GABBR2: variants seen among roughly 807,000 people sequenced by gnomAD.
GABBR2 encodes gamma-aminobutyric acid type B receptor subunit 2.
Under a neutral mutation model 105.6 loss-of-function variants are expected in GABBR2, and 23 were observed. The observed-to-expected ratio is 0.22, with a 90% CI of 0.16 to 0.31. The LOEUF (loss-of-function observed/expected upper bound fraction) is 0.31, where lower values mean the gene tolerates loss of function less well. Among genes scored for constraint, GABBR2 ranks in the 10% least tolerant of loss-of-function variants. GABBR2 has a pLI of 1.00. For missense variants in GABBR2, 734 were observed against 1,245.5 expected (o/e 0.59, Z 6.18); for synonymous variants, 478 against 499.7 (o/e 0.96, Z 0.58).
At chr9:98,659,622 A>G (rs7388933) in intron 1 of GABBR2, among the ~76,000 whole-genome samples, 139,544 of 150,140 alleles carry the variant, frequency 0.93, 64,981 homozygotes, top group African/African-American at 0.97. Context: ...CCTGGTTCAA[A>G]CAATTCTCCT....
chr9:98,300,270 G>T (rs1216050835), intron 16 of GABBR2, among the ~76,000 whole-genome samples: 1 of 152,026 alleles, frequency 6.6e-6, no homozygotes, highest in African/African-American at 2.4e-5. Context: ...GACCTGCAGG[G>T]TCTCACTCAG....
chr9:98,501,134 C>T (rs866547690), intron 3 of GABBR2, among the ~76,000 whole-genome samples: 2 of 145,236 alleles, frequency 1.4e-5, no homozygotes, highest in African/African-American at 5.0e-5. Context: ...TGCCCCCCCC[C>T]CTTCCCCGCC....
At chr9:98,526,943 A>G (rs1827973139) in intron 3 of GABBR2, among the ~76,000 whole-genome samples, 1 of 147,884 alleles carries the variant, frequency 6.8e-6, no homozygotes, top group Non-Finnish European at 1.5e-5. Context: ...ACAGACATCA[A>G]ACCTTACTAA....
At chr9:98,497,728 C>T (rs1355961893) in intron 3 of GABBR2, among the ~76,000 whole-genome samples, 3 of 152,180 alleles carry the variant, frequency 2.0e-5, no homozygotes, top group Non-Finnish European at 4.4e-5. Flanking sequence ...AAAAGCAAAA[C>T]CACAAGTGTT....
intron 13 of GABBR2, among the ~76,000 whole-genome samples, chr9:98,344,048 T>C (rs1342981518): frequency 6.6e-6 from 1 of 152,154 alleles, no homozygotes; most frequent in Admixed American, 6.5e-5. Context: ...CTGATTTTCT[T>C]CCTATTGCTG....
chr9:98,348,341 T>C (rs1831335115), intron 13 of GABBR2, among the ~76,000 whole-genome samples: 1 of 152,198 alleles, frequency 6.6e-6, no homozygotes, highest in African/African-American at 2.4e-5. Flanking sequence ...TATAGCTTTG[T>C]AGTATATTTT....
At chr9:98,528,397 CA>C (rs1166879367) in intron 3 of GABBR2, among the ~76,000 whole-genome samples, 10 of 151,570 alleles carry the variant, frequency 6.6e-5, no homozygotes, top group Admixed American at 5.9e-4. Flanking sequence ...TATGTATTTA[CA>C]AAAATTTTGG....
chr9:98,364,776 T>A (rs1022794668), intron 12 of GABBR2, among the ~76,000 whole-genome samples: 9 of 152,090 alleles, frequency 5.9e-5, no homozygotes, highest in African/African-American at 2.2e-4. Context: ...AATTTCTGTA[T>A]TTTTAGGAGA....
chr9:98,612,479 C>T (rs1046104840), intron 1 of GABBR2, among the ~76,000 whole-genome samples: 1 of 152,200 alleles, frequency 6.6e-6, no homozygotes, highest in Admixed American at 6.5e-5. Flanking sequence ...CACTTTTGTT[C>T]TCACTATCAC....
At chr9:98,420,093 T>C (rs1480508566) in intron 7 of GABBR2, among the ~76,000 whole-genome samples, 1 of 151,586 alleles carries the variant, frequency 6.6e-6, no homozygotes, top group Admixed American at 6.6e-5. Flanking sequence ...ATAGGGCCAG[T>C]AGGGGTGGTG....
intron 1 of GABBR2, among the ~76,000 whole-genome samples, chr9:98,695,886 T>C (rs1830744799): frequency 6.6e-6 from 1 of 152,162 alleles, no homozygotes; most frequent in Admixed American, 6.5e-5. Context: ...GCATGCCATT[T>C]ATAAACATCA....
intron 2 of GABBR2, among the ~76,000 whole-genome samples, chr9:98,562,297 G>A (rs1288645844): frequency 2.0e-5 from 3 of 152,076 alleles, no homozygotes; most frequent in Non-Finnish European, 2.9e-5. Context: ...AAAGATCACT[G>A]TCCTGAAAGC....
At chr9:98,465,121 TAAAAA>T (rs57747633) in intron 6 of GABBR2, among the ~76,000 whole-genome samples, 294 of 21,998 alleles carry the variant, frequency 0.013, 2 homozygotes, top group African/African-American at 0.059. Flanking sequence ...CAATAAATAC[TAAAAA>T]AAAAAAAAAA....
chr9:98,483,614 G>GCATT (rs1826978487), intron 4 of GABBR2, among the ~76,000 whole-genome samples: 1 of 152,174 alleles, frequency 6.6e-6, no homozygotes, highest in Admixed American at 6.5e-5. Context: ...AAACAGGACT[G>GCATT]CATTCATTCA....
At chr9:98,541,189 A>T (rs1828296714) in intron 3 of GABBR2, among the ~76,000 whole-genome samples, 1 of 152,218 alleles carries the variant, frequency 6.6e-6, no homozygotes, top group Non-Finnish European at 1.5e-5. Flanking sequence ...AAAGTGAAAA[A>T]AGAAACATAC....
intron 3 of GABBR2, among the ~76,000 whole-genome samples, chr9:98,519,729 G>C (rs1399462220): frequency 1.4e-5 from 2 of 144,736 alleles, no homozygotes; most frequent in Non-Finnish European, 3.0e-5. Context: ...TTTTTTTTTG[G>C]TAAAGGGTCA....
intron 13 of GABBR2, among the ~76,000 whole-genome samples, chr9:98,314,517 A>T (rs1830684090): frequency 6.6e-6 from 1 of 152,152 alleles, no homozygotes; most frequent in Admixed American, 6.5e-5. Flanking sequence ...GTCATACAGC[A>T]TTGCTCAATG....
intron 1 of GABBR2, among the ~76,000 whole-genome samples, chr9:98,603,424 C>G (rs1421972189): frequency 6.6e-6 from 1 of 152,232 alleles, no homozygotes; most frequent in African/African-American, 2.4e-5. Context: ...GGAGCAGTTT[C>G]ATCCTGGAAA....
intron 3 of GABBR2, among the ~76,000 whole-genome samples, chr9:98,530,665 G>A (rs1828050360): frequency 6.6e-6 from 1 of 152,120 alleles, no homozygotes; most frequent in Non-Finnish European, 1.5e-5. Flanking sequence ...TGTGCCTGTA[G>A]TCTCAGCTAT....
Sources: gnomAD v4.1 joint callset for allele counts (sites outside exome capture counted in the v4.1 genomes callset) on GRCh38, gnomAD v4.1.1 for gene constraint, MANE v1.5 for transcripts, NCBI Gene and HGNC (gene_info 2026-07-23, HGNC 2026-07-21) for gene names.